The following POLR3B variants were observed in gnomAD, a reference collection of about 807,000 sequenced individuals.
The protein encoded by POLR3B is DNA-directed RNA polymerase III subunit RPC2.
POLR3B carries 96 observed loss-of-function variants against 147.4 expected under a neutral mutation model. The observed-to-expected ratio is 0.65, with a 90% CI of 0.55 to 0.77. The LOEUF is 0.77. POLR3B is among the 30% of genes least tolerant of loss of function. The pLI, the probability that POLR3B is intolerant of heterozygous loss-of-function variation, is 0.00. For synonymous variants in POLR3B, 461 were observed against 485.9 expected (o/e 0.95, Z 0.67); for missense variants, 1,036 against 1,413.5 (o/e 0.73, Z 4.28).
Position 106,357,777 on chromosome 12 carries a change from G to C in POLR3B, c.-103G>C, listed in dbSNP as rs928478288. On this transcript the variant is annotated 5_prime_UTR_variant, in exon 1 of 28. Coordinates refer to ENST00000228347, the MANE Select transcript of POLR3B (RefSeq NM_018082.6). ...CTAGCTAACACGCACGGCGGGGACA[G>C]TTTAGGCCTCCGCGCACCGTTCGCC... 1 of 1,179,422 alleles carries C rather than the reference G, an allele frequency of 8.5e-7. No individual in the cohort carries two copies. The highest frequency in any genetic ancestry group is 1.2e-6 in the Non-Finnish European group (1 of 809,824). 73.1% of individuals were successfully genotyped at this position (1,179,422 alleles called of 1,614,324 possible).
At chr12:106,494,349 C>T (rs1434064981) in intron 23 of POLR3B, among the ~76,000 whole-genome samples, 2 of 152,270 alleles carry the variant, frequency 1.3e-5, no homozygotes, top group East Asian at 3.9e-4. Context: ...CAGCTTCCTC[C>T]TGAGCAGACG....
At chr12:106,482,700 A>G (rs1190412021) in intron 23 of POLR3B, among the ~76,000 whole-genome samples, 1 of 152,192 alleles carries the variant, frequency 6.6e-6, no homozygotes, top group Non-Finnish European at 1.5e-5. Context: ...TTAGGTAAGT[A>G]TATTTTAGGT....
intron 6 of POLR3B, among the ~76,000 whole-genome samples, chr12:106,370,540 C>G (rs953559068): frequency 6.6e-6 from 1 of 151,984 alleles, no homozygotes; most frequent in Admixed American, 6.5e-5. Context: ...TTGTTTCTCT[C>G]CTTAGTCTTC....
chr12:106,369,576 C>G lies in POLR3B; in HGVS notation c.304-7C>G. ...CAGTAACTGTCAGATTCCTGATTCT[C>G]TTTCAGTGCCGTTTGAGAGACATGA... On this transcript the variant is annotated splice_region_variant and splice_polypyrimidine_tract_variant and intron_variant, in intron 5 of 27. Coordinates refer to ENST00000228347, the MANE Select transcript of POLR3B (RefSeq NM_018082.6). 1.3e-6 allele frequency: 2 copies of G among 1,586,542 alleles called. No individual in the cohort carries two copies. Among genetic ancestry groups the G allele is most frequent in the Non-Finnish European group, 1.7e-6 (2 of 1,154,794 alleles).
At chr12:106,386,838 C>T (rs749825966) in intron 9 of POLR3B, among the ~76,000 whole-genome samples, 13 of 151,840 alleles carry the variant, frequency 8.6e-5, no homozygotes, top group South Asian at 4.2e-4. Flanking sequence ...ACCTGGAAGC[C>T]GGAGCATGCA....
At chr12:106,358,200 G>A in intron 1 of POLR3B, 4 of 1,419,900 alleles carry the variant, frequency 2.8e-6, no homozygotes, top group Non-Finnish European at 3.7e-6. Context: ...GCTGGCTCTA[G>A]GGTTGGAGCT....
At chr12:106,357,976 G>C (rs1390813702) in intron 1 of POLR3B, 25 bp downstream of exon 1, 1 of 1,610,144 alleles carries the variant, frequency 6.2e-7, no homozygotes, top group Non-Finnish European at 8.5e-7. Flanking sequence ...CGCAGGGAGC[G>C]TCAGGGACAA....
chr12:106,506,529 T>C (rs139746874), intron 27 of POLR3B, among the ~76,000 whole-genome samples: 36 of 152,364 alleles, frequency 2.4e-4, no homozygotes, highest in Non-Finnish European at 4.7e-4. Context: ...TAAGCAGCGA[T>C]TGATCCTTCA....
Position 106,427,413 on chromosome 12 carries a change from A to G in POLR3B, c.1263+55A>G. 4 of 1,464,136 alleles carry G rather than the reference A, an allele frequency of 2.7e-6. No homozygotes were observed. In the South Asian group the frequency reaches 4.6e-5, roughly 17 times the overall value. 90.7% of individuals were successfully genotyped at this position (1,464,136 alleles called of 1,614,324 possible). On this transcript the variant is annotated intron_variant, in intron 13 of 27. Transcript: ENST00000228347. ...TGTAATTTATTTGTAAACCTATTCA[A>G]TAGAACAGAAACTTAAAGCACTTTG...
At position 106,509,605 on chromosome 12, in the gene POLR3B, G is replaced by A; in HGVS notation, c.*56G>A. 1.3e-6 allele frequency: 2 copies of A among 1,513,102 alleles called. No individual in the cohort carries two copies. Among genetic ancestry groups the A allele is most frequent in the Non-Finnish European group, 1.8e-6 (2 of 1,094,390 alleles). The allele number at this position is 1,513,102 out of a possible 1,614,324, so 93.7% of individuals were successfully genotyped here. A position where few individuals can be genotyped will look rare whatever the true frequency, so the allele number is the denominator to read the frequency against. On this transcript the variant is annotated 3_prime_UTR_variant, in exon 28 of 28. Coordinates refer to ENST00000228347, the MANE Select transcript of POLR3B (RefSeq NM_018082.6). ...AGTGATACATCCAATGCAACGGAAAGCAGAAGGGATTTAGGACTACGTCTC... is the reference window on the plus strand; with the variant it reads ...AGTGATACATCCAATGCAACGGAAAACAGAAGGGATTTAGGACTACGTCTC...
intron 10 of POLR3B, among the ~76,000 whole-genome samples, chr12:106,393,530 T>C (rs1263723947): frequency 1.5e-5 from 2 of 129,116 alleles, no homozygotes; most frequent in Admixed American, 8.3e-5. Context: ...TGTGTGTGTG[T>C]ATGTGTGCAT....
intron 13 of POLR3B, among the ~76,000 whole-genome samples, chr12:106,428,940 C>A (rs965510881): frequency 6.6e-6 from 1 of 152,168 alleles, no homozygotes; most frequent in African/African-American, 2.4e-5. Flanking sequence ...ATCATCTAAT[C>A]TTTTCCTGAA....
intron 25 of POLR3B, among the ~76,000 whole-genome samples, chr12:106,498,582 G>GTTTTTTTTTTTTTTTT (rs564316643): frequency 1.4e-5 from 2 of 147,718 alleles, no homozygotes; most frequent in African/African-American, 2.5e-5. Context: ...TTTGGGGTTT[G>GTTTTTTTTTTTTTTTT]TTTTTTTTGT....
intron 11 of POLR3B, 119 bp downstream of exon 11, chr12:106,406,095 G>C: frequency 9.8e-7 from 1 of 1,015,924 alleles, no homozygotes; most frequent in Non-Finnish European, 1.5e-6. Flanking sequence ...ATTCTAAAGA[G>C]GACTGTACTG....
chr12:106,447,249 C>T (rs1686310899), intron 19 of POLR3B, among the ~76,000 whole-genome samples: 2 of 151,960 alleles, frequency 1.3e-5, no homozygotes, highest in Admixed American at 1.3e-4. Context: ...CCCTACTATC[C>T]CTCCCACTCC....
At position 106,486,284 on chromosome 12, in the gene POLR3B, T is replaced by C. The variant is rs1270583665; in HGVS notation, c.2714-9771T>C. On this transcript the variant is annotated intron_variant, in intron 23 of 27. Transcript: ENST00000228347. ...AGCCTGGGGTCAGAGGGAGACTCCG[T>C]CTCAAAAAAAAAAAAAAAAAAAAAA... is the stretch of plus-strand genomic sequence containing the variant. Among the ~76,000 whole-genome samples the C allele has an allele frequency of 4.6e-5, 4 of 86,346 alleles. No individual in the cohort carries two copies. The Admixed American group carries it at 6.7e-4, about 14-fold the overall frequency. 56.6% of individuals were successfully genotyped at this position (86,346 alleles called of 152,430 possible).
chr12:106,499,470 G>A (rs1057122773), intron 25 of POLR3B, among the ~76,000 whole-genome samples: 7 of 152,110 alleles, frequency 4.6e-5, no homozygotes, highest in African/African-American at 1.2e-4. Flanking sequence ...GAAAATTCCC[G>A]AGGGCATTTA....
intron 10 of POLR3B, among the ~76,000 whole-genome samples, chr12:106,397,944 G>A (rs2037002855): frequency 6.6e-6 from 1 of 152,252 alleles, no homozygotes; most frequent in African/African-American, 2.4e-5. Flanking sequence ...GGTGATTTCT[G>A]CCTTTCCAAC....
In POLR3B at chr12:106,433,246, C is replaced by T. The variant is rs535905342; in HGVS notation, c.1628-473C>T. ...TTTACTCTGCACTTTCACCCAGTGC[C>T]TCTTTGAATCCTCCCGCTAACCTTG... On this transcript the variant is annotated intron_variant, in intron 15 of 27. Coordinates refer to ENST00000228347, the MANE Select transcript of POLR3B (RefSeq NM_018082.6). Among the ~76,000 whole-genome samples, 6 of 152,342 alleles carry T rather than the reference C, an allele frequency of 3.9e-5. No homozygotes were observed. In the South Asian group the frequency reaches 1.2e-3, roughly 32 times the overall value.
Sources: gnomAD v4.1 joint callset for allele counts (sites outside exome capture counted in the v4.1 genomes callset) on GRCh38, gnomAD v4.1.1 for gene constraint, MANE v1.5 for transcripts, NCBI Gene and HGNC (gene_info 2026-07-23, HGNC 2026-07-21) for gene names.